Variants in TBX2 observed in about 807,000 individuals in gnomAD.
TBX2 encodes T-box transcription factor 2.
Under a neutral mutation model 48.4 loss-of-function variants are expected in TBX2, and 19 were observed. The observed-to-expected ratio is 0.39, with a 90% CI of 0.27 to 0.58. The LOEUF (loss-of-function observed/expected upper bound fraction) is 0.58. TBX2 is among the 20% of genes least tolerant of loss of function. The probability of loss-of-function intolerance (pLI) is 0.54; values close to 1 mark genes in which losing one functional copy is unlikely to be tolerated. For synonymous variants in TBX2, 522 were observed against 459.7 expected (o/e 1.14, Z -1.73); for missense variants, 994 against 1,006.5 (o/e 0.99, Z 0.17).
At chr17:61,402,028 G>A (rs2060265804) in intron 2 of TBX2, 77 bp downstream of exon 2, 1 of 1,512,790 alleles carries the variant, frequency 6.6e-7, no homozygotes, top group African/African-American at 1.4e-5. Context: ...GAGCAGGGCG[G>A]CAGGATCTCC....
Position 61,408,170 on chromosome 17 carries a change from A to AGCC in TBX2, c.1808_1810dup (p.Ala603dup), listed in dbSNP as rs375903850. ...CTAGTGCTGCAGCTGCCGCCGCCGC[A>AGCC]GCCGCCGGCTCCCTCTCCCGGAGCC... On this transcript the variant is annotated inframe_insertion, in exon 7 of 7. Transcript: ENST00000240328. 45 of 1,612,420 alleles carry AGCC rather than the reference A, an allele frequency of 2.8e-5. No individual in the cohort carries two copies. The African/African-American group carries it at 4.9e-4, about 18-fold the overall frequency.
intron 2 of TBX2, 63 bp downstream of exon 2, chr17:61,402,014 A>C: frequency 6.6e-7 from 1 of 1,526,144 alleles, no homozygotes; most frequent in African/African-American, 1.4e-5. Flanking sequence ...GCAGCTGAGC[A>C]GGAGAGCAGG....
intron 6 of TBX2, 191 bp from the exon 7 acceptor site, chr17:61,407,863 C>T (rs932306316): frequency 2.2e-5 from 14 of 644,494 alleles, no homozygotes; most frequent in Non-Finnish European, 3.4e-5. Context: ...GCGATCTCAC[C>T]CTTCTAACTG....
At position 61,406,211 on chromosome 17, in the gene TBX2, C is replaced by T. The variant is rs1272517873; in HGVS notation, c.1686+375C>T. 3 of 211,814 alleles carry T rather than the reference C, an allele frequency of 1.4e-5. No individual in the cohort carries two copies. The highest frequency in any genetic ancestry group is 2.8e-5 in the Non-Finnish European group (3 of 107,326). The allele number at this position is 211,814 out of a possible 1,614,324, so 13.1% of individuals were successfully genotyped here. Reference sequence around the variant, plus strand: ...GAAGTCTTCTCTCCTGGCCTCAGGACATTTTTCTTGAGAACAAAGACCCTT... The same window carrying T: ...GAAGTCTTCTCTCCTGGCCTCAGGATATTTTTCTTGAGAACAAAGACCCTT... On this transcript the variant is annotated intron_variant, in intron 6 of 6. Transcript: ENST00000240328. This position sits in a 1 kb window ranked among gnomAD's most constrained non-coding sequence, Gnocchi z 5.7.
intron 5 of TBX2, 159 bp from the exon 6 acceptor site, chr17:61,405,043 A>G (rs1171287798): frequency 6.9e-7 from 1 of 1,449,448 alleles, no homozygotes; most frequent in South Asian, 1.2e-5. Flanking sequence ...TCCACTGTAA[A>G]TCTGGGGTCT....
Position 61,401,762 on chromosome 17 carries a change from A to G in TBX2, c.474A>G (p.Val158=), listed in dbSNP as rs1174416982. 4 of 1,613,058 alleles carry G rather than the reference A, an allele frequency of 2.5e-6. No individual in the cohort carries two copies. The Admixed American group carries it at 6.7e-5, about 27-fold the overall frequency. The stretch of plus-strand genomic sequence containing the variant: ...AGTATATCCTGCTGATGGACATTGT[A>G]GCCGCTGACGATTGCCGCTATAAGT... ...KAKYILLMDI[V]AADDCRYKFH... Residue 158 remains valine, a synonymous_variant, in exon 2 of 7, where the codon GTA becomes GTG. Coordinates refer to ENST00000240328, the MANE Select transcript of TBX2 (RefSeq NM_005994.4).
chr17:61,401,012 T>C (rs1437794741), intron 1 of TBX2, among the ~76,000 whole-genome samples: 2 of 152,150 alleles, frequency 1.3e-5, no homozygotes, highest in Non-Finnish European at 2.9e-5. Flanking sequence ...AACCCCACGC[T>C]GGTTGCTCGG....
Position 61,404,727 on chromosome 17 carries a change from C to T in TBX2, c.1009C>T (p.Pro337Ser), listed in dbSNP as rs1216439787. Residue 337 changes from proline (P) to serine (S), a missense_variant, in exon 5 of 7, where the codon CCG becomes TCG. Coordinates refer to ENST00000240328, the MANE Select transcript of TBX2 (RefSeq NM_005994.4). ...CCCCGCGCGGGAACCACCCACCTCC[C>T]CGGGCGCAGCGCCCAGTCCGCTGCG... is the stretch of plus-strand genomic sequence containing the variant. Reference protein sequence around the residue: ...PPPAREPPTSPGAAPSPLRLH... With the variant: ...PPPAREPPTSSGAAPSPLRLH... 4.5e-6 allele frequency: 7 copies of T among 1,554,120 alleles called. No individual in the cohort carries two copies. The highest frequency in any genetic ancestry group is 2.3e-5 in the South Asian group (2 of 85,188).
chr17:61,407,048 G>A (rs2060291927), intron 6 of TBX2: 2 of 152,196 alleles, frequency 1.3e-5, no homozygotes, highest in African/African-American at 4.8e-5. Flanking sequence ...ACCAGCACCT[G>A]GGAGGCATCC....
rs2060277152 is a variant in TBX2 at position 61,403,970 on chromosome 17, G to A, written c.811-451G>A. Among the ~76,000 whole-genome samples the A allele has an allele frequency of 6.6e-6, 1 of 152,182 alleles. No homozygotes were observed. Among genetic ancestry groups the A allele is most frequent in the Admixed American group, 6.5e-5 (1 of 15,278 alleles). On this transcript the variant is annotated intron_variant, in intron 3 of 6. Coordinates refer to ENST00000240328, the MANE Select transcript of TBX2 (RefSeq NM_005994.4). This position sits in a 1 kb window ranked among gnomAD's most constrained non-coding sequence, Gnocchi z 5.8. ...GAGGCATGTGAATTCGTTTGGTTCC[G>A]TAGGCGTTTGTTATGTCTGTGCACA...
At position 61,404,783 on chromosome 17, in the gene TBX2, C is replaced by A. The variant is rs901825818; in HGVS notation, c.1051+14C>A. ...ACCGGGCCCGAGGTGAGGGTCGGAC[C>A]GGAGGAGGGACAGGGAGGTGGCGGC... On this transcript the variant is annotated intron_variant, in intron 5 of 6. Coordinates refer to ENST00000240328, the MANE Select transcript of TBX2 (RefSeq NM_005994.4). The A allele has an allele frequency of 3.3e-6, 5 of 1,538,418 alleles. No homozygotes were observed. The highest frequency in any genetic ancestry group is 4.4e-6 in the Non-Finnish European group (5 of 1,146,470).
chr17:61,401,199 C>T (rs1339236888), intron 1 of TBX2, among the ~76,000 whole-genome samples: 1 of 152,176 alleles, frequency 6.6e-6, no homozygotes, highest in African/African-American at 2.4e-5. Context: ...ATCCAGGCCT[C>T]GGGTTCACCC....
chr17:61,404,970 C>T (rs1329124528), intron 5 of TBX2: 1 of 1,251,270 alleles, frequency 8.0e-7, no homozygotes. Context: ...GACTCCGAGC[C>T]TGGCCCCTTG....
Position 61,406,865 on chromosome 17 carries a change from C to T in TBX2, c.1686+1029C>T, listed in dbSNP as rs1044006491. 2.0e-5 allele frequency: 3 copies of T among 152,062 alleles called. No individual in the cohort carries two copies. The highest frequency in any genetic ancestry group is 4.8e-5 in the African/African-American group (2 of 41,350). 9.4% of individuals were successfully genotyped at this position (152,062 alleles called of 1,614,324 possible). On this transcript the variant is annotated intron_variant, in intron 6 of 6. Transcript: ENST00000240328. This position sits in a 1 kb window ranked among gnomAD's most constrained non-coding sequence, Gnocchi z 5.7. ...CTGGGGCTCTGGGCTGGAAGGGAAGCCTCTGGAGAAAGTTCAGGGCCCAGA... is the reference window on the plus strand; with the variant it reads ...CTGGGGCTCTGGGCTGGAAGGGAAGTCTCTGGAGAAAGTTCAGGGCCCAGA...
chr17:61,404,803 G>A (rs749310286), intron 5 of TBX2, 34 bp downstream of exon 5: 4 of 1,460,392 alleles, frequency 2.7e-6, no homozygotes, highest in South Asian at 1.2e-5. Context: ...ACAGGGAGGT[G>A]GCGGCGGGGG....
intron 2 of TBX2, 141 bp downstream of exon 2, chr17:61,402,092 T>A (rs1465823423): frequency 1.5e-6 from 2 of 1,294,632 alleles, no homozygotes; most frequent in African/African-American, 3.0e-5. Flanking sequence ...GTCACTGCCC[T>A]GTGGTCTACG....
At chr17:61,401,561 ACAG>A in intron 1 of TBX2, 120 bp from the exon 2 acceptor site, 2 of 1,364,060 alleles carry the variant, frequency 1.5e-6, no homozygotes, top group Non-Finnish European at 2.0e-6. Context: ...GCAGCCGACC[ACAG>A]GGGAAACAGC....
chr17:61,405,848 G>C lies in TBX2; in HGVS notation c.1686+12G>C, dbSNP rs755745121. The C allele has an allele frequency of 7.7e-7, 1 of 1,296,428 alleles. No individual in the cohort carries two copies. The highest frequency in any genetic ancestry group is 3.4e-5 in the Admixed American group (1 of 29,444). The allele number at this position is 1,296,428 out of a possible 1,614,324, so 80.3% of individuals were successfully genotyped here. A position where few individuals can be genotyped will look rare whatever the true frequency, so the allele number is the denominator to read the frequency against. ...TGCTGGCATCTCAGGTAAGGCCTGT[G>C]ACCCCGCGGCAGCGCCAGCGAGGGA... is the stretch of plus-strand genomic sequence containing the variant. On this transcript the variant is annotated intron_variant, in intron 6 of 6. Transcript: ENST00000240328.
At chr17:61,407,948 C>T (rs1406645799) in intron 6 of TBX2, 106 bp from the exon 7 acceptor site, 6 of 1,378,860 alleles carry the variant, frequency 4.4e-6, no homozygotes, top group South Asian at 2.8e-5. Flanking sequence ...TGTGGTTTTA[C>T]ATCCCTAAAA....
Sources: gnomAD v4.1 joint callset for allele counts (sites outside exome capture counted in the v4.1 genomes callset) on GRCh38, gnomAD v4.1.1 for gene constraint, Gnocchi (gnomAD v3.1) non-coding constraint, MANE v1.5 for transcripts, NCBI Gene and HGNC (gene_info 2026-07-23, HGNC 2026-07-21) for gene names.